Variants in PACC1 observed in about 807,000 individuals in gnomAD.
PACC1 encodes the protein proton-activated chloride channel.
PACC1 carries 34 observed loss-of-function variants against 39.7 expected under a neutral mutation model. The observed-to-expected ratio is 0.86, with a 90% confidence interval of 0.65 to 1.14. PACC1 has a LOEUF of 1.14. PACC1 is among the 50% of genes most tolerant of loss of function. The pLI, the probability that PACC1 is intolerant of heterozygous loss-of-function variation, is 0.00. For missense variants in PACC1, 379 were observed against 436.4 expected (o/e 0.87, Z 1.17); for synonymous variants, 127 against 160.6 (o/e 0.79, Z 1.58).
intron 7 of PACC1, among the ~76,000 whole-genome samples, chr1:212,366,654 G>A (rs1660257199): frequency 6.6e-6 from 1 of 152,220 alleles, no homozygotes; most frequent in Admixed American, 6.5e-5. Flanking sequence ...CTTGACTGCT[G>A]TGAAGCTGAG....
In PACC1 at chr1:212,385,403, C is replaced by T; in HGVS notation, c.366G>A (p.Gln122=). ...GGTGCTTACAGCTGAGCAACTGGGC[C>T]TGACCGGGGTACAAGGCAATACCTG... ...DAPGIALYPG[Q]AQLLSCKHHY... The change falls in exon 4 of 8, where the codon CAG becomes CAA. Residue 122 remains glutamine, a synonymous_variant. Coordinates refer to ENST00000261455, the MANE Select transcript of PACC1 (RefSeq NM_018252.3). The T allele has an allele frequency of 5.6e-6, 9 of 1,614,034 alleles. No individual in the cohort carries two copies. Among genetic ancestry groups the T allele is most frequent in the Non-Finnish European group, 6.8e-6 (8 of 1,179,988 alleles).
At chr1:212,407,635 T>C in intron 2 of PACC1, among the ~76,000 whole-genome samples, 1 of 152,088 alleles carries the variant, frequency 6.6e-6, no homozygotes, top group African/African-American at 2.4e-5. Context: ...TTGTTTTGTG[T>C]GAGTGTTTTT....
chr1:212,369,425 C>T (rs939315483), intron 7 of PACC1, among the ~76,000 whole-genome samples: 2 of 152,146 alleles, frequency 1.3e-5, no homozygotes, highest in Non-Finnish European at 2.9e-5. Flanking sequence ...TATTAAAAAA[C>T]AAGACCCAAC....
rs776370981 is a variant in PACC1 at position 212,380,010 on chromosome 1, G to A, written c.523C>T (p.Arg175Trp). 18 of 1,613,938 alleles carry A rather than the reference G, an allele frequency of 1.1e-5. No homozygotes were observed. Among genetic ancestry groups the A allele is most frequent in the South Asian group, 3.3e-5 (3 of 91,072 alleles). ...VKSALIVQGP[R>W]EVKKRELVFL... ...ACCAGCTCCCGCTTTTTCACTTCCC[G>A]GGGCCCCTGGACAATCAGGGCAGAT... The change falls in exon 5 of 8, where the codon CGG (arginine) becomes TGG (tryptophan). Residue 175 changes from arginine (R) to tryptophan (W), a missense_variant. Arg to Trp is a moderately radical substitution (Grantham distance 101). Coordinates refer to ENST00000261455, the MANE Select transcript of PACC1 (RefSeq NM_018252.3).
chr1:212,402,718 G>C (rs914050743), intron 2 of PACC1, among the ~76,000 whole-genome samples: 2 of 152,114 alleles, frequency 1.3e-5, no homozygotes, highest in Non-Finnish European at 2.9e-5. Context: ...GCAACAGCAC[G>C]ATCTTGGCTC....
rs1389260139 is a variant in PACC1, at chr1:212,413,941, G to A, written c.36+781C>T. 6 of 1,535,626 alleles carry A rather than the reference G, an allele frequency of 3.9e-6. No individual in the cohort carries two copies. In the South Asian group the frequency reaches 5.9e-5, roughly 15 times the overall value. ...GGCCAATGAGGCGGCACGATGGAGG[G>A]GCACAGAAGAGGACGGTTGCCAAAG... On this transcript the variant is annotated intron_variant, in intron 1 of 7. Coordinates refer to ENST00000261455, the MANE Select transcript of PACC1 (RefSeq NM_018252.3).
intron 2 of PACC1, among the ~76,000 whole-genome samples, chr1:212,405,281 C>T (rs1211883806): frequency 6.6e-6 from 1 of 152,186 alleles, no homozygotes; most frequent in Non-Finnish European, 1.5e-5. Flanking sequence ...CCATACTACA[C>T]TCCACACTAG....
chr1:212,374,671 T>C (rs936443841), intron 7 of PACC1, among the ~76,000 whole-genome samples: 1 of 152,228 alleles, frequency 6.6e-6, no homozygotes, highest in Non-Finnish European at 1.5e-5. Context: ...TAAATATGTA[T>C]ATTATGTATC....
At chr1:212,414,588 C>T (rs1662262230) in intron 1 of PACC1, 134 bp downstream of exon 1, 1 of 1,164,602 alleles carries the variant, frequency 8.6e-7, no homozygotes, top group Non-Finnish European at 1.2e-6. Flanking sequence ...GAGCCCTCCC[C>T]TGACGCACCC....
chr1:212,372,292 A>C (rs1469303966), intron 7 of PACC1, among the ~76,000 whole-genome samples: 1 of 148,658 alleles, frequency 6.7e-6, no homozygotes, highest in African/African-American at 2.4e-5. Context: ...CAAAAAAAAA[A>C]AACAAAAAAC....
intron 2 of PACC1, among the ~76,000 whole-genome samples, chr1:212,397,956 A>T (rs1661582613): frequency 6.6e-6 from 1 of 152,224 alleles, no homozygotes; most frequent in African/African-American, 2.4e-5. Flanking sequence ...CTACTCCATG[A>T]TCCTAGACAA....
In PACC1 at chr1:212,386,993, C is replaced by G. The variant is rs1254057382; in HGVS notation, c.241G>C (p.Ala81Pro). Residue 81 changes from alanine (A) to proline (P), a missense_variant, in exon 3 of 8, where the codon GCC (alanine) becomes CCC (proline). Physicochemically the swap from Ala to Pro is conservative, Grantham distance 27 (BLOSUM62 -1). Transcript: ENST00000261455. This position sits in a 1 kb window ranked among gnomAD's most constrained non-coding sequence, Gnocchi z 5.0. ...ATGGTCCGGTAGACCAGGAAGACGG[C>G]CACAGCCATGAGCAGCAGGTAGATG... ...IFIYLLLMAV[A>P]VFLVYRTITD... The G allele has an allele frequency of 6.2e-7, 1 of 1,614,180 alleles. No individual in the cohort carries two copies.
chr1:212,383,410 A>G (rs1029722312), intron 4 of PACC1, among the ~76,000 whole-genome samples: 2 of 152,186 alleles, frequency 1.3e-5, no homozygotes, highest in South Asian at 2.1e-4. Context: ...ACGAGTTTTC[A>G]TTAGCGTGTT....
At chr1:212,379,112 T>A (rs1010524145) in intron 5 of PACC1, among the ~76,000 whole-genome samples, 2 of 151,798 alleles carry the variant, frequency 1.3e-5, no homozygotes, top group Non-Finnish European at 2.9e-5. Flanking sequence ...CCTGGCTAAT[T>A]TTTTGTATTT....
At chr1:212,402,864 G>A (rs1174982500) in intron 2 of PACC1, among the ~76,000 whole-genome samples, 1 of 152,174 alleles carries the variant, frequency 6.6e-6, no homozygotes, top group East Asian at 1.9e-4. Context: ...ATGTTGGTCA[G>A]GCTGGTCTCA....
intron 1 of PACC1, among the ~76,000 whole-genome samples, chr1:212,413,745 C>T (rs1028811080): frequency 1.3e-5 from 2 of 152,062 alleles, no homozygotes; most frequent in African/African-American, 4.8e-5. Context: ...CGAAGGGCAG[C>T]GTCAGGTCTG....
At chr1:212,410,754 C>T (rs139067274) in intron 1 of PACC1, among the ~76,000 whole-genome samples, 122 of 152,324 alleles carry the variant, frequency 8.0e-4, no homozygotes, top group Admixed American at 1.1e-3. Context: ...AACCGAACAG[C>T]TTAAAACAAC....
chr1:212,392,397 A>AT (rs1169075648), intron 2 of PACC1, among the ~76,000 whole-genome samples: 1 of 152,204 alleles, frequency 6.6e-6, no homozygotes, highest in African/African-American at 2.4e-5. Flanking sequence ...ATGCTGAGAG[A>AT]TTTTATCACC....
chr1:212,410,660 T>C lies in PACC1; in HGVS notation c.37-139A>G, dbSNP rs189185189. 1.4e-4 allele frequency: 107 copies of C among 781,286 alleles called. No homozygotes were observed. In the Admixed American group the frequency reaches 1.8e-3, roughly 13 times the overall value. The allele number at this position is 781,286 out of a possible 1,614,324, so 48.4% of individuals were successfully genotyped here. ...TGACATAGAGTGTGTTACAGCAATT[T>C]TACAGATGAGGACACCGAAGCTCAG... On this transcript the variant is annotated intron_variant, in intron 1 of 7. Coordinates refer to ENST00000261455, the MANE Select transcript of PACC1 (RefSeq NM_018252.3).
Sources: gnomAD v4.1 joint callset for allele counts (sites outside exome capture counted in the v4.1 genomes callset) on GRCh38, gnomAD v4.1.1 for gene constraint, Gnocchi (gnomAD v3.1) non-coding constraint, MANE v1.5 for transcripts, NCBI Gene and HGNC (gene_info 2026-07-23, HGNC 2026-07-21) for gene names.